BCLAF3: variants seen among roughly 807,000 people sequenced by gnomAD.
BCLAF3 encodes the protein BCLAF1 and THRAP3 family member 3.
A neutral mutation model predicts 51.2 loss-of-function variants in BCLAF3; 24 were observed. That is an observed-to-expected ratio of 0.47 (90% confidence interval 0.34 to 0.66). The LOEUF (loss-of-function observed/expected upper bound fraction) is 0.66. BCLAF3 is among the 30% of genes least tolerant of loss of function. The pLI, the probability that BCLAF3 is intolerant of heterozygous loss-of-function variation, is 0.01. For missense variants in BCLAF3, 465 were observed against 525.1 expected (o/e 0.89, Z 1.12); for synonymous variants, 152 against 176.6 (o/e 0.86, Z 1.10).
At chrX:19,957,566 G>A (rs1199469905) in intron 4 of BCLAF3, among the ~76,000 whole-genome samples, 7 of 111,709 alleles carry the variant, frequency 6.3e-5, no homozygotes, top group East Asian at 2.8e-4. Flanking sequence ...TTTCCAATGA[G>A]TAATTATTAA....
intron 11 of BCLAF3, among the ~76,000 whole-genome samples, chrX:19,922,004 G>GAATA (rs745880375): frequency 1.8e-5 from 2 of 109,949 alleles, no homozygotes; most frequent in Non-Finnish European, 3.8e-5. Flanking sequence ...CTCCGTCTCA[G>GAATA]AATAAATAAA....
At chrX:19,921,443 A>G (rs2070154039) in intron 11 of BCLAF3, among the ~76,000 whole-genome samples, 1 of 112,553 alleles carries the variant, frequency 8.9e-6, no homozygotes, top group Non-Finnish European at 1.9e-5. Flanking sequence ...ACACTATATC[A>G]TAAAAATAAA....
At chrX:19,987,997 G>A (rs2148076199) in intron 1 of BCLAF3, among the ~76,000 whole-genome samples, 1 of 112,271 alleles carries the variant, frequency 8.9e-6, no homozygotes, top group East Asian at 2.8e-4. Flanking sequence ...AGATGACCCT[G>A]TGGAGGCTGC....
chrX:19,941,379 A>T (rs370505696), intron 8 of BCLAF3, among the ~76,000 whole-genome samples: 22,302 of 97,381 alleles, frequency 0.23, 4,670 homozygotes, highest in African/African-American at 0.6. Context: ...TGCCTAGGTT[A>T]TCTTCTAGGG....
chrX:19,964,521 C>T (rs1249029828), intron 4 of BCLAF3, among the ~76,000 whole-genome samples: 2 of 110,344 alleles, frequency 1.8e-5, no homozygotes, highest in African/African-American at 6.6e-5. Flanking sequence ...TCACCTGCCT[C>T]GTTGAGTCAT....
Position 19,924,148 on chromosome X carries a change from C to T in BCLAF3, c.2106+5637G>A, listed in dbSNP as rs373876575. Among the ~76,000 whole-genome samples, 3 of 111,241 alleles carry T rather than the reference C, an allele frequency of 2.7e-5. No individual in the cohort carries two copies. The East Asian group carries it at 8.4e-4, about 31-fold the overall frequency. The stretch of plus-strand genomic sequence containing the variant: ...AAATTTGAGGTGCTTTTAGGACATC[C>T]ATGTGAGGGCATCTGGGAGGCAGCT... On this transcript the variant is annotated intron_variant, in intron 11 of 11. Coordinates refer to ENST00000379682, the MANE Select transcript of BCLAF3 (RefSeq NM_001367774.2).
intron 11 of BCLAF3, among the ~76,000 whole-genome samples, chrX:19,927,653 T>C (rs1458562293): frequency 1.8e-5 from 2 of 109,692 alleles, no homozygotes; most frequent in Non-Finnish European, 3.8e-5. Context: ...ACTGTTCTCA[T>C]TTCGTTTTTT....
chrX:19,989,267 G>A (rs1235157886), intron 1 of BCLAF3, among the ~76,000 whole-genome samples: 2 of 111,465 alleles, frequency 1.8e-5, no homozygotes, highest in East Asian at 2.8e-4. Context: ...AGGCCGAGGC[G>A]GGCAGATCGC....
intron 8 of BCLAF3, 25 bp from the exon 9 acceptor site, chrX:19,937,557 G>C: frequency 1.2e-6 from 1 of 823,107 alleles, no homozygotes; most frequent in Non-Finnish European, 1.7e-6. Flanking sequence ...GAGAAAATAA[G>C]AATATTTTAT....
In BCLAF3 at chrX:19,916,063, A is replaced by C. The variant is rs970072595; in HGVS notation, c.*1242T>G. The stretch of plus-strand genomic sequence containing the variant: ...TTTAAAGATATGGACAAGAAAACTG[A>C]ATGTACTAAGATTTTTCACATCCAG... On this transcript the variant is annotated 3_prime_UTR_variant, in exon 12 of 12. Coordinates refer to ENST00000379682, the MANE Select transcript of BCLAF3 (RefSeq NM_001367774.2). The C allele has an allele frequency of 2.7e-5, 3 of 111,890 alleles. No homozygotes were observed. The Admixed American group carries it at 2.9e-4, about 11-fold the overall frequency. The allele number at this position is 111,890 out of a possible 1,213,427, so 9.2% of individuals were successfully genotyped here.
rs575598436 is a variant in BCLAF3 at position 19,949,588 on chromosome X, A to G, written c.1745+1165T>C. Among the ~76,000 whole-genome samples the G allele has an allele frequency of 7.5e-4, 84 of 111,857 alleles. 1 individual carries two copies. In the South Asian group the frequency reaches 0.03, roughly 40 times the overall value. ...ACCATATCATATTAGGAGACTGGAG[A>G]CTTTCACCCAGCAAGGGACAACATT... On this transcript the variant is annotated intron_variant, in intron 8 of 11. Coordinates refer to ENST00000379682, the MANE Select transcript of BCLAF3 (RefSeq NM_001367774.2).
At chrX:19,961,091 C>T (rs1295965475) in intron 4 of BCLAF3, among the ~76,000 whole-genome samples, 1 of 111,972 alleles carries the variant, frequency 8.9e-6, no homozygotes, top group Non-Finnish European at 1.9e-5. Flanking sequence ...AGGGTCAAGC[C>T]CTCACTCACT....
intron 4 of BCLAF3, among the ~76,000 whole-genome samples, chrX:19,961,546 C>T (rs997397898): frequency 9.0e-6 from 1 of 111,721 alleles, no homozygotes; most frequent in Middle Eastern, 4.3e-3. Context: ...AGATGTTAAC[C>T]AATAAATAAA....
chrX:19,975,503 C>T (rs182011220), intron 1 of BCLAF3, among the ~76,000 whole-genome samples: 219 of 110,683 alleles, frequency 2.0e-3, no homozygotes, highest in Non-Finnish European at 3.6e-3. Context: ...GCCACCACAC[C>T]CGACTAATCT....
chrX:19,985,844 G>A (rs1160966544), intron 1 of BCLAF3, among the ~76,000 whole-genome samples: 1 of 111,037 alleles, frequency 9.0e-6, no homozygotes, highest in Non-Finnish European at 1.9e-5. Flanking sequence ...CTACTTGGGA[G>A]GCTGAGGTGG....
rs112445845 is a variant in BCLAF3 at position 19,934,302 on chromosome X, T to C, written c.1950+1507A>G. On this transcript the variant is annotated intron_variant, in intron 10 of 11. Coordinates refer to ENST00000379682, the MANE Select transcript of BCLAF3 (RefSeq NM_001367774.2). The stretch of plus-strand genomic sequence containing the variant: ...AAATCTTATGATGCTGTTAGAAAAA[T>C]ACTATAATCAACTATATCTGACCAA... 9.6e-4 allele frequency among the ~76,000 whole-genome samples: 107 copies of C among 111,763 alleles called. 1 individual carries two copies. Among genetic ancestry groups the C allele is most frequent in the African/African-American group, 3.3e-3 (102 of 30,830 alleles).
chrX:19,922,784 C>T (rs1461880251), intron 11 of BCLAF3, among the ~76,000 whole-genome samples: 5 of 110,341 alleles, frequency 4.5e-5, no homozygotes. Context: ...CCTGTTGTAC[C>T]AGCTACTTGG....
chrX:19,964,985 T>G, intron 4 of BCLAF3, 59 bp downstream of exon 4: 2 of 979,967 alleles, frequency 2.0e-6, no homozygotes, highest in Non-Finnish European at 1.4e-6. Flanking sequence ...TTTTTGAAGC[T>G]GCAAATAAAG....
intron 4 of BCLAF3, among the ~76,000 whole-genome samples, chrX:19,960,922 T>G (rs770990493): frequency 1.8e-5 from 2 of 112,242 alleles, no homozygotes; most frequent in South Asian, 7.4e-4. Flanking sequence ...TCAACTCTGA[T>G]AGCCATGAAT....
Sources: gnomAD v4.1 joint callset for allele counts (sites outside exome capture counted in the v4.1 genomes callset) on GRCh38, gnomAD v4.1.1 for gene constraint, MANE v1.5 for transcripts, NCBI Gene and HGNC (gene_info 2026-07-23, HGNC 2026-07-21) for gene names.